PPM1E: variants seen among roughly 807,000 people sequenced by gnomAD.
PPM1E encodes protein phosphatase 1E.
Under a neutral mutation model 65.9 loss-of-function variants are expected in PPM1E, and 20 were observed. That is an observed-to-expected ratio of 0.30 (90% CI 0.21 to 0.44). The LOEUF is 0.44. Among genes scored for constraint, PPM1E ranks in the 20% least tolerant of loss-of-function variants. PPM1E has a pLI of 1.00. For missense variants in PPM1E, 713 were observed against 953.1 expected (o/e 0.75, Z 3.32); for synonymous variants, 352 against 374.9 (o/e 0.94, Z 0.70).
At chr17:58,887,445 GCGTGA>G (rs993632550) in intron 1 of PPM1E, among the ~76,000 whole-genome samples, 11 of 152,126 alleles carry the variant, frequency 7.2e-5, no homozygotes, top group African/African-American at 2.2e-4. Context: ...GAGATTACAG[GCGTGA>G]GCCACTGCAC....
intron 1 of PPM1E, among the ~76,000 whole-genome samples, chr17:58,922,434 T>A (rs1186371893): frequency 6.6e-6 from 1 of 151,804 alleles, no homozygotes; most frequent in Admixed American, 6.6e-5. Flanking sequence ...TGTATTTTTT[T>A]GTAGAGATGG....
At chr17:58,849,147 A>G (rs1598608701) in intron 1 of PPM1E, among the ~76,000 whole-genome samples, 1 of 151,918 alleles carries the variant, frequency 6.6e-6, no homozygotes, top group Non-Finnish European at 1.5e-5. Flanking sequence ...TATTGCATCT[A>G]TTTGATTCTT....
chr17:58,764,097 ATAT>A (rs1320597969), intron 1 of PPM1E, among the ~76,000 whole-genome samples: 1 of 151,920 alleles, frequency 6.6e-6, no homozygotes, highest in Non-Finnish European at 1.5e-5. Context: ...CATGTAATCC[ATAT>A]TAAGATATTA....
chr17:58,834,381 A>G (rs974933377), intron 1 of PPM1E, among the ~76,000 whole-genome samples: 12 of 152,164 alleles, frequency 7.9e-5, no homozygotes, highest in South Asian at 2.1e-4. Context: ...TCTTTCACAG[A>G]GGAAAAGTTT....
intron 1 of PPM1E, among the ~76,000 whole-genome samples, chr17:58,804,086 G>A (rs1280524896): frequency 6.6e-6 from 1 of 151,968 alleles, no homozygotes; most frequent in Non-Finnish European, 1.5e-5. Context: ...GTGAAGCCAT[G>A]GCAGCTAATT....
intron 1 of PPM1E, among the ~76,000 whole-genome samples, chr17:58,945,962 G>A (rs539016081): frequency 2.9e-4 from 44 of 152,050 alleles, no homozygotes; most frequent in African/African-American, 1.0e-3. Flanking sequence ...GCTTCATCAC[G>A]TAGGCATGTT....
At chr17:58,763,118 A>G (rs2049839456) in intron 1 of PPM1E, among the ~76,000 whole-genome samples, 2 of 152,100 alleles carry the variant, frequency 1.3e-5, no homozygotes, top group African/African-American at 4.8e-5. Flanking sequence ...GACTGCTCTA[A>G]TGGATACATC....
chr17:58,898,249 GTC>G (rs2051448840), intron 1 of PPM1E, among the ~76,000 whole-genome samples: 1 of 141,852 alleles, frequency 7.0e-6, no homozygotes, highest in Non-Finnish European at 1.5e-5. Flanking sequence ...GGGAGACTGC[GTC>G]TCAAAAAAAA....
chr17:58,973,172 C>T (rs1364856874), intron 6 of PPM1E, among the ~76,000 whole-genome samples: 2 of 152,126 alleles, frequency 1.3e-5, no homozygotes, highest in African/African-American at 4.8e-5. Context: ...AATCCCAACA[C>T]TTTGGGAGGC....
At chr17:58,905,964 T>G (rs2051553699) in intron 1 of PPM1E, among the ~76,000 whole-genome samples, 1 of 152,194 alleles carries the variant, frequency 6.6e-6, no homozygotes, top group Non-Finnish European at 1.5e-5. Context: ...TGCTTTGTAT[T>G]TTGAAAGGTT....
chr17:58,775,299 A>G (rs1444451812), intron 1 of PPM1E, among the ~76,000 whole-genome samples: 1 of 152,188 alleles, frequency 6.6e-6, no homozygotes, highest in Non-Finnish European at 1.5e-5. Context: ...TTATCCTTAT[A>G]TTCCAAGTAA....
Position 58,923,137 on chromosome 17 carries a change from T to C in PPM1E, c.465-32512T>C, listed in dbSNP as rs1166049225. Among the ~76,000 whole-genome samples the C allele has an allele frequency of 2.0e-5, 3 of 149,060 alleles. No individual in the cohort carries two copies. In the East Asian group the frequency reaches 6.2e-4, roughly 31 times the overall value. On this transcript the variant is annotated intron_variant, in intron 1 of 6. Coordinates refer to ENST00000308249, the MANE Select transcript of PPM1E (RefSeq NM_014906.5). ...CCATCTCTACTAAAAATACAAAAATTAGCTGGGCATGGTGGTGCACACCTG... is the reference window on the plus strand; with the variant it reads ...CCATCTCTACTAAAAATACAAAAATCAGCTGGGCATGGTGGTGCACACCTG...
chr17:58,950,689 C>G (rs915912483), intron 1 of PPM1E, among the ~76,000 whole-genome samples: 1 of 149,188 alleles, frequency 6.7e-6, no homozygotes, highest in African/African-American at 2.5e-5. Flanking sequence ...ATTTTTTCTT[C>G]TGTTTGGTCT....
At chr17:58,859,425 C>A (rs183708192) in intron 1 of PPM1E, among the ~76,000 whole-genome samples, 1 of 152,182 alleles carries the variant, frequency 6.6e-6, no homozygotes, top group Non-Finnish European at 1.5e-5. Context: ...TTATCAAGAT[C>A]GTTTGAAGAA....
At chr17:58,965,523 G>A (rs945525679) in intron 2 of PPM1E, among the ~76,000 whole-genome samples, 171 bp from the exon 3 acceptor site, 5 of 152,160 alleles carry the variant, frequency 3.3e-5, no homozygotes, top group Admixed American at 6.5e-5. Context: ...CACTAGATAG[G>A]TTGTGATTTT....
chr17:58,973,124 T>C (rs1285958024), intron 6 of PPM1E, among the ~76,000 whole-genome samples, 199 bp downstream of exon 6: 1 of 152,182 alleles, frequency 6.6e-6, no homozygotes, highest in East Asian at 1.9e-4. Context: ...AATTCCATTA[T>C]TGAAAGAGAA....
intron 1 of PPM1E, among the ~76,000 whole-genome samples, chr17:58,844,761 A>C (rs1288584224): frequency 6.6e-6 from 1 of 152,210 alleles, no homozygotes; most frequent in African/African-American, 2.4e-5. Context: ...ATCAGCAATC[A>C]ATCTTTAGAG....
chr17:58,927,398 G>A (rs1226809607), intron 1 of PPM1E, among the ~76,000 whole-genome samples: 3 of 151,904 alleles, frequency 2.0e-5, no homozygotes, highest in Non-Finnish European at 4.4e-5. Context: ...CCAAAGTGCT[G>A]GGATTACAGG....
intron 1 of PPM1E, among the ~76,000 whole-genome samples, chr17:58,934,979 G>A (rs1338589804): frequency 6.0e-5 from 9 of 150,160 alleles, no homozygotes; most frequent in East Asian, 2.0e-4. Context: ...TGGGCCGGGC[G>A]CGGTGGCTCA....
Sources: allele counts gnomAD v4.1 joint callset (sites outside exome capture counted in the v4.1 genomes callset), GRCh38; gene constraint gnomAD v4.1.1; transcripts MANE v1.5; gene names NCBI Gene and HGNC (gene_info 2026-07-23, HGNC 2026-07-21).